Variants in EPHB2 observed in about 807,000 individuals in gnomAD.
The protein encoded by EPHB2 is ephrin type-B receptor 2.
A neutral mutation model predicts 96.4 loss-of-function variants in EPHB2; 18 were observed. That is an observed-to-expected ratio of 0.19 (90% CI 0.13 to 0.28). The LOEUF is 0.28. EPHB2 is among the 10% of genes least tolerant of loss of function. The pLI, the probability that EPHB2 is intolerant of heterozygous loss-of-function variation, is 1.00. For missense variants in EPHB2, 989 were observed against 1,355.4 expected, an observed-to-expected ratio of 0.73 and a Z score of 4.25; for synonymous variants, 506 against 534.1, an observed-to-expected ratio of 0.95 and a Z score of 0.72.
At chr1:22,912,379 A>G (rs1464643661) in intron 14 of EPHB2, 65 bp from the exon 15 acceptor site, 6 of 1,607,488 alleles carry the variant, frequency 3.7e-6, no homozygotes, top group African/African-American at 1.3e-5. Context: ...GCCTACAGGC[A>G]TGTCCCTGCA....
chr1:22,828,190 T>A (rs2148482672), intron 3 of EPHB2, among the ~76,000 whole-genome samples: 1 of 152,186 alleles, frequency 6.6e-6, no homozygotes, highest in East Asian at 1.9e-4. Flanking sequence ...CTGTTTTAGA[T>A]CTTGTGTCAG....
intron 5 of EPHB2, among the ~76,000 whole-genome samples, chr1:22,871,552 C>T (rs968433351): frequency 6.6e-6 from 1 of 152,186 alleles, no homozygotes; most frequent in Non-Finnish European, 1.5e-5. Context: ...TCTATCATTA[C>T]AGCTTTGCTA....
In EPHB2 at chr1:22,757,908, C is replaced by CTTTT. The variant is rs1224799943; in HGVS notation, c.62-23488_62-23485dup. Among the ~76,000 whole-genome samples, 74 of 54,152 alleles carry CTTTT rather than the reference C, an allele frequency of 1.4e-3. 3 individuals carry two copies. Among genetic ancestry groups the CTTTT allele is most frequent in the African/African-American group, 5.3e-3 (73 of 13,704 alleles). 35.5% of individuals were successfully genotyped at this position (54,152 alleles called of 152,430 possible). On this transcript the variant is annotated intron_variant, in intron 1 of 15. Transcript: ENST00000374630. ...CCATGCTCACTATGTGTAAGCTATG[C>CTTTT]TTTTTTTTTTTTTTTTTTTTTTTTT...
intron 3 of EPHB2, among the ~76,000 whole-genome samples, chr1:22,853,956 C>T (rs1645662798): frequency 6.6e-6 from 1 of 152,250 alleles, no homozygotes; most frequent in Admixed American, 6.5e-5. Context: ...CAGCCTTGTC[C>T]TGTCAGCTGC....
At chr1:22,815,284 G>A (rs1645058992) in intron 3 of EPHB2, among the ~76,000 whole-genome samples, 1 of 152,204 alleles carries the variant, frequency 6.6e-6, no homozygotes, top group African/African-American at 2.4e-5. Context: ...GGGGGGTACA[G>A]GAGGCTGGGT....
chr1:22,728,801 C>G (rs1337027433), intron 1 of EPHB2, among the ~76,000 whole-genome samples: 1 of 152,214 alleles, frequency 6.6e-6, no homozygotes, highest in African/African-American at 2.4e-5. Context: ...GCTCACTTCC[C>G]CTCTGGGACC....
At chr1:22,815,644 T>C (rs1645065008) in intron 3 of EPHB2, among the ~76,000 whole-genome samples, 1 of 152,284 alleles carries the variant, frequency 6.6e-6, no homozygotes, top group Admixed American at 6.5e-5. Flanking sequence ...TCCGAAGGCA[T>C]GTGAACATTT....
chr1:22,768,101 C>T (rs532151268), intron 1 of EPHB2, among the ~76,000 whole-genome samples: 3 of 152,262 alleles, frequency 2.0e-5, no homozygotes, highest in African/African-American at 7.2e-5. Context: ...TGGAGCCAAG[C>T]GTTACTGTGG....
At chr1:22,803,084 A>G (rs938505070) in intron 3 of EPHB2, among the ~76,000 whole-genome samples, 20 of 152,162 alleles carry the variant, frequency 1.3e-4, no homozygotes, top group Non-Finnish European at 1.6e-4. Flanking sequence ...GACCTGGAGG[A>G]CAAGCAAGAA....
At chr1:22,843,886 C>A (rs556611478) in intron 3 of EPHB2, among the ~76,000 whole-genome samples, 1 of 152,314 alleles carries the variant, frequency 6.6e-6, no homozygotes, top group East Asian at 1.9e-4. Context: ...GTTTAGCTTC[C>A]GCTTATAAGT....
intron 1 of EPHB2, among the ~76,000 whole-genome samples, chr1:22,745,678 AC>A (rs1643963971): frequency 1.3e-5 from 2 of 151,938 alleles, no homozygotes; most frequent in Admixed American, 6.6e-5. Flanking sequence ...GGGGGTGGTC[AC>A]AGGGGTTGAG....
At chr1:22,780,472 G>T (rs911275654) in intron 1 of EPHB2, among the ~76,000 whole-genome samples, 2 of 152,196 alleles carry the variant, frequency 1.3e-5, no homozygotes, top group Non-Finnish European at 2.9e-5. Flanking sequence ...AGCCCTGGGG[G>T]AGGGGCCCCA....
intron 11 of EPHB2, 41 bp from the exon 12 acceptor site, chr1:22,907,912 G>C (rs1348280215): frequency 5.0e-6 from 8 of 1,608,110 alleles, no homozygotes; most frequent in Non-Finnish European, 6.8e-6. Flanking sequence ...TCTGATGCCT[G>C]CTCTTCTGTT....
chr1:22,912,482 A>G lies in EPHB2; in HGVS notation c.2735A>G (p.Tyr912Cys). 1 of 1,614,110 alleles carries G rather than the reference A, an allele frequency of 6.2e-7. No homozygotes were observed. Among genetic ancestry groups the G allele is most frequent in the Non-Finnish European group, 8.5e-7 (1 of 1,180,016 alleles). Residue 912 changes from tyrosine to cysteine, a missense_variant, in exon 15 of 16, where the codon TAC becomes TGC. Tyr to Cys is a radical substitution (Grantham distance 194). Transcript: ENST00000374630. ...CTGCTGGACCGCACGATCCCCGACT[A>G]CACCAGCTTTAACACGGTGGACGAG... ...LPLLDRTIPD[Y>C]TSFNTVDEWL...
Position 22,913,051 on chromosome 1 carries a change from C to T in EPHB2, c.2853-411C>T, listed in dbSNP as rs1056225782. 8 of 351,634 alleles carry T rather than the reference C, an allele frequency of 2.3e-5. No homozygotes were observed. The highest frequency in any genetic ancestry group is 7.2e-5 in the East Asian group (1 of 13,810). 21.8% of individuals were successfully genotyped at this position (351,634 alleles called of 1,614,324 possible). A position where few individuals can be genotyped will look rare whatever the true frequency, so the allele number is the denominator to read the frequency against. ...CTACTAAAATGCAAAAAATTAGCCA[C>T]GCAAGGTGGCATGCACCTGTAATGC... On this transcript the variant is annotated intron_variant, in intron 15 of 15. Transcript: ENST00000374630. This position sits in a 1 kb window ranked among gnomAD's most constrained non-coding sequence, Gnocchi z 4.1.
chr1:22,893,714 C>T (rs1384204598), intron 7 of EPHB2, among the ~76,000 whole-genome samples: 1 of 152,212 alleles, frequency 6.6e-6, no homozygotes, highest in Non-Finnish European at 1.5e-5. Context: ...TCAGCTTTCT[C>T]ATTTATAAAT....
chr1:22,722,694 T>C (rs1368924039), intron 1 of EPHB2, among the ~76,000 whole-genome samples: 1 of 151,898 alleles, frequency 6.6e-6, no homozygotes, highest in Admixed American at 6.6e-5. Flanking sequence ...TTGAGGGAGG[T>C]AGAGTTGGCA....
At chr1:22,896,550 A>G in intron 9 of EPHB2, 72 bp downstream of exon 9, 1 of 1,585,058 alleles carries the variant, frequency 6.3e-7, no homozygotes, top group Non-Finnish European at 8.6e-7. Context: ...CTCTTAAGCC[A>G]TCTTTGACCT....
At chr1:22,878,400 CATTT>C (rs1638915831) in intron 5 of EPHB2, among the ~76,000 whole-genome samples, 1 of 152,228 alleles carries the variant, frequency 6.6e-6, no homozygotes, top group South Asian at 2.1e-4. Flanking sequence ...GACAGGCACT[CATTT>C]AGTTGAAAAA....
Sources: gnomAD v4.1 joint callset for allele counts (sites outside exome capture counted in the v4.1 genomes callset) on GRCh38, gnomAD v4.1.1 for gene constraint, Gnocchi (gnomAD v3.1) non-coding constraint, MANE v1.5 for transcripts, NCBI Gene and HGNC (gene_info 2026-07-23, HGNC 2026-07-21) for gene names.